STAT4: variants seen among roughly 807,000 people sequenced by gnomAD.
STAT4 encodes the protein signal transducer and activator of transcription 4.
STAT4 carries 42 observed loss-of-function variants against 110.5 expected under a neutral mutation model. The observed-to-expected ratio is 0.38, with a 90% CI of 0.30 to 0.49. The LOEUF (loss-of-function observed/expected upper bound fraction) is 0.49, where lower values mean the gene tolerates loss of function less well. Ranked by LOEUF, STAT4 falls within the 20% of genes least tolerant of loss-of-function variation. STAT4 has a pLI of 0.95. For synonymous variants in STAT4, 284 were observed against 302.2 expected, an observed-to-expected ratio of 0.94 and a Z score of 0.63; for missense variants, 632 against 887.9, an observed-to-expected ratio of 0.71 and a Z score of 3.66.
At chr2:191,136,280 A>G (rs1400345903) in intron 3 of STAT4, among the ~76,000 whole-genome samples, 1 of 152,230 alleles carries the variant, frequency 6.6e-6, no homozygotes. Context: ...TACAGCTAAC[A>G]TCATACTGAA....
At position 191,107,927 on chromosome 2, in the gene STAT4, G is replaced by A. The variant is rs772674148; in HGVS notation, c.274-31602C>T. Among the ~76,000 whole-genome samples the A allele has an allele frequency of 1.7e-4, 26 of 152,098 alleles. No homozygotes were observed. Among genetic ancestry groups the A allele is most frequent in the Non-Finnish European group, 2.9e-4 (20 of 68,034 alleles). On this transcript the variant is annotated intron_variant, in intron 3 of 23. Coordinates refer to ENST00000392320, the MANE Select transcript of STAT4 (RefSeq NM_003151.4). The surrounding 1 kb of genome is among the most constrained non-coding windows in gnomAD (Gnocchi z 4.2). The stretch of plus-strand genomic sequence containing the variant: ...ATTGATGCCCATATTTTACAAAATG[G>A]AGTAATTTTCATGATCTCTGAAAAC...
chr2:191,076,101 A>C, intron 4 of STAT4, 126 bp downstream of exon 4: 4 of 720,676 alleles, frequency 5.6e-6, no homozygotes, highest in Non-Finnish European at 9.4e-6. Context: ...TGATCCTCCC[A>C]CCTTTGCCTC....
chr2:191,066,003 T>G lies in STAT4; in HGVS notation c.630+427A>C, dbSNP rs1696975338. Among the ~76,000 whole-genome samples the G allele has an allele frequency of 6.6e-6, 1 of 152,196 alleles. No homozygotes were observed. The highest frequency in any genetic ancestry group is 6.5e-5 in the Admixed American group (1 of 15,270). On this transcript the variant is annotated intron_variant, in intron 7 of 23. Coordinates refer to ENST00000392320, the MANE Select transcript of STAT4 (RefSeq NM_003151.4). This position sits in a 1 kb window ranked among gnomAD's most constrained non-coding sequence, Gnocchi z 4.3. ...TGAAATCTAGGAAATTGCTTAACAC[T>G]ACGTCATTTCTCAGAGTAGAAACTA... is the stretch of plus-strand genomic sequence containing the variant.
rs1699475479 is a variant in STAT4 at position 191,146,867 on chromosome 2, A to G, written c.129-110T>C. 1 of 1,038,502 alleles carries G rather than the reference A, an allele frequency of 9.6e-7. No individual in the cohort carries two copies. Among genetic ancestry groups the G allele is most frequent in the Non-Finnish European group, 1.3e-6 (1 of 786,538 alleles). 64.3% of individuals were successfully genotyped at this position (1,038,502 alleles called of 1,614,324 possible). ...ACCTATTACATGGTGATAAGCATTT[A>G]AAAGTTTTAAAAAATTAAATTGTTA... On this transcript the variant is annotated intron_variant, in intron 2 of 23. Transcript: ENST00000392320. This position sits in a 1 kb window ranked among gnomAD's most constrained non-coding sequence, Gnocchi z 4.5.
At chr2:191,068,958 T>TA (rs1168824635) in intron 6 of STAT4, among the ~76,000 whole-genome samples, 1 of 152,076 alleles carries the variant, frequency 6.6e-6, no homozygotes, top group Non-Finnish European at 1.5e-5. Flanking sequence ...GAAAAAATAG[T>TA]AAAATAAATT....
At chr2:191,072,700 A>G (rs1323452778) in intron 5 of STAT4, among the ~76,000 whole-genome samples, 1 of 152,140 alleles carries the variant, frequency 6.6e-6, no homozygotes, top group Non-Finnish European at 1.5e-5. Context: ...TGATTATGGA[A>G]AAAAGAGAAA....
At position 191,033,214 on chromosome 2, in the gene STAT4, C is replaced by A; in HGVS notation, c.1853-65G>T. 1 of 1,502,016 alleles carries A rather than the reference C, an allele frequency of 6.7e-7. No individual in the cohort carries two copies. Among genetic ancestry groups the A allele is most frequent in the South Asian group, 1.3e-5 (1 of 78,712 alleles). 93.0% of individuals were successfully genotyped at this position (1,502,016 alleles called of 1,614,324 possible). A position where few individuals can be genotyped will look rare whatever the true frequency, so the allele number is the denominator to read the frequency against. On this transcript the variant is annotated intron_variant, in intron 20 of 23. Coordinates refer to ENST00000392320, the MANE Select transcript of STAT4 (RefSeq NM_003151.4). The surrounding 1 kb of genome is among the most constrained non-coding windows in gnomAD (Gnocchi z 6.9). ...ACACATTCCTTGTGACCATTTCTTC[C>A]CTGCCCACATTATCTTCATGCCACT... is the stretch of plus-strand genomic sequence containing the variant.
rs144973093 is a variant in STAT4 at position 191,061,355 on chromosome 2, G to A, written c.1034+374C>T. 2.0e-4 allele frequency among the ~76,000 whole-genome samples: 30 copies of A among 152,114 alleles called. No homozygotes were observed. Among genetic ancestry groups the A allele is most frequent in the Non-Finnish European group, 3.4e-4 (23 of 67,982 alleles). ...ATTCTGTCTCTTCCCTGCTCCCCAC[G>A]ATTACCAGACAGAGCCAGGAAGCCA... is the stretch of plus-strand genomic sequence containing the variant. On this transcript the variant is annotated intron_variant, in intron 10 of 23. Coordinates refer to ENST00000392320, the MANE Select transcript of STAT4 (RefSeq NM_003151.4). This position sits in a 1 kb window ranked among gnomAD's most constrained non-coding sequence, Gnocchi z 6.2.
At position 191,150,487 on chromosome 2, in the gene STAT4, T is replaced by A. The variant is rs929335363; in HGVS notation, c.-2+460A>T. Among the ~76,000 whole-genome samples the A allele has an allele frequency of 2.6e-5, 4 of 152,210 alleles. No homozygotes were observed. Among genetic ancestry groups the A allele is most frequent in the African/African-American group, 9.6e-5 (4 of 41,452 alleles). On this transcript the variant is annotated intron_variant, in intron 1 of 23. Transcript: ENST00000392320. This position sits in a 1 kb window ranked among gnomAD's most constrained non-coding sequence, Gnocchi z 6.4. ...CCGCTTTGGCTCTGTGGCCTGTAGCTTGCAAAAGGAGATGACCTGCCCTAA... is the reference window on the plus strand; with the variant it reads ...CCGCTTTGGCTCTGTGGCCTGTAGCATGCAAAAGGAGATGACCTGCCCTAA...
At chr2:191,129,589 G>A (rs1698976146) in intron 3 of STAT4, among the ~76,000 whole-genome samples, 2 of 152,098 alleles carry the variant, frequency 1.3e-5, no homozygotes, top group Admixed American at 6.6e-5. Context: ...ACTTTAACAT[G>A]TCACTTTCCA....
Position 191,061,629 on chromosome 2 carries a change from G to A in STAT4, c.1034+100C>T, listed in dbSNP as rs1438931160. ...GGCACACAGCAGATGGTTCAATAAA[G>A]AACAGCTGAATGCAAGCCACAATGA... On this transcript the variant is annotated intron_variant, in intron 10 of 23. Coordinates refer to ENST00000392320, the MANE Select transcript of STAT4 (RefSeq NM_003151.4). This position sits in a 1 kb window ranked among gnomAD's most constrained non-coding sequence, Gnocchi z 6.2. 8.9e-7 allele frequency: 1 copy of A among 1,120,472 alleles called. No homozygotes were observed. The highest frequency in any genetic ancestry group is 1.4e-6 in the Non-Finnish European group (1 of 734,842). The allele number at this position is 1,120,472 out of a possible 1,614,324, so 69.4% of individuals were successfully genotyped here.
chr2:191,151,228 C>A, upstream of STAT4: 4 of 985,684 alleles, frequency 4.1e-6, no homozygotes, highest in Non-Finnish European at 4.8e-6. This position sits in a 1 kb window ranked among gnomAD's most constrained non-coding sequence, Gnocchi z 4.7. Context: ...GCGGCTCTCG[C>A]AACTGCAGGT....
In STAT4 at chr2:191,039,881, A is replaced by G. The variant is rs1022226972; in HGVS notation, c.1336-584T>C. 1.3e-5 allele frequency among the ~76,000 whole-genome samples: 2 copies of G among 152,198 alleles called. No homozygotes were observed. The highest frequency in any genetic ancestry group is 4.8e-5 in the African/African-American group (2 of 41,450). On this transcript the variant is annotated intron_variant, in intron 15 of 23. Transcript: ENST00000392320. The surrounding 1 kb of genome is among the most constrained non-coding windows in gnomAD (Gnocchi z 4.7). ...TTTATGAGATAAACAGGCTTTTACA[A>G]ATTAGCTTGGGAAACTAATCAACTT...
intron 14 of STAT4, among the ~76,000 whole-genome samples, chr2:191,045,384 T>C (rs529398262): frequency 1.3e-5 from 2 of 152,206 alleles, no homozygotes; most frequent in African/African-American, 4.8e-5. Flanking sequence ...CTGGGTGGAA[T>C]TTGGGAGGAA....
At chr2:191,087,135 T>C (rs1697656010) in intron 3 of STAT4, among the ~76,000 whole-genome samples, 2 of 152,310 alleles carry the variant, frequency 1.3e-5, no homozygotes, top group East Asian at 3.9e-4. Context: ...GTGACACAAC[T>C]GTTTAACTGA....
At chr2:191,085,497 C>T (rs982380970) in intron 3 of STAT4, among the ~76,000 whole-genome samples, 2 of 151,888 alleles carry the variant, frequency 1.3e-5, no homozygotes, top group South Asian at 4.2e-4. Context: ...TCTTATGATT[C>T]TGATATGTCT....
Position 191,083,695 on chromosome 2 carries a change from C to CT in STAT4, c.274-7371dup, listed in dbSNP as rs1697551388. ...CCTACTGCGTACTTCTGGTTGCCAA[C>CT]TAGCTCTCTCTCCCTTTGCATCACA... is the stretch of plus-strand genomic sequence containing the variant. On this transcript the variant is annotated intron_variant, in intron 3 of 23. Coordinates refer to ENST00000392320, the MANE Select transcript of STAT4 (RefSeq NM_003151.4). The surrounding 1 kb of genome is among the most constrained non-coding windows in gnomAD (Gnocchi z 4.6). Among the ~76,000 whole-genome samples, 1 of 152,150 alleles carries CT rather than the reference C, an allele frequency of 6.6e-6. No individual in the cohort carries two copies. Among genetic ancestry groups the CT allele is most frequent in the Non-Finnish European group, 1.5e-5 (1 of 68,042 alleles).
Position 191,086,099 on chromosome 2 carries a change from GAC to G in STAT4, c.274-9776_274-9775del, listed in dbSNP as rs1697625589. On this transcript the variant is annotated intron_variant, in intron 3 of 23. Coordinates refer to ENST00000392320, the MANE Select transcript of STAT4 (RefSeq NM_003151.4). The surrounding 1 kb of genome is among the most constrained non-coding windows in gnomAD (Gnocchi z 5.5). ...AATAATCTCTTTTCTTCTGTAAGAG[GAC>G]ACACTGAAGACACTGGCTATTTTAC... 6.6e-6 allele frequency among the ~76,000 whole-genome samples: 1 copy of G among 152,060 alleles called. No homozygotes were observed. Among genetic ancestry groups the G allele is most frequent in the Non-Finnish European group, 1.5e-5 (1 of 68,010 alleles).
intron 3 of STAT4, among the ~76,000 whole-genome samples, chr2:191,076,648 C>CTT (rs71403210): frequency 0.011 from 1,558 of 136,702 alleles, 25 homozygotes; most frequent in South Asian, 0.039. Flanking sequence ...CAGGTTTTTT[C>CTT]TTTTTTTTTT....
Sources: allele counts gnomAD v4.1 joint callset (sites outside exome capture counted in the v4.1 genomes callset), GRCh38; gene constraint gnomAD v4.1.1; non-coding constraint Gnocchi (gnomAD v3.1); transcripts MANE v1.5; gene names NCBI Gene and HGNC (gene_info 2026-07-23, HGNC 2026-07-21).